Variants in NCBP1 observed in about 807,000 individuals in gnomAD.
The protein encoded by NCBP1 is nuclear cap-binding protein subunit 1.
Under a neutral mutation model 111.7 loss-of-function variants are expected in NCBP1, and 16 were observed. The observed-to-expected ratio is 0.14, with a 90% CI of 0.10 to 0.22. NCBP1 has a LOEUF of 0.22. NCBP1 is among the 10% of genes least tolerant of loss of function. NCBP1 has a pLI of 1.00. For missense variants in NCBP1, 607 were observed against 957.5 expected, an observed-to-expected ratio of 0.63 and a Z score of 4.83; for synonymous variants, 304 against 314.3, an observed-to-expected ratio of 0.97 and a Z score of 0.35.
chr9:97,655,591 C>T, intron 12 of NCBP1, 111 bp from the exon 13 acceptor site: 2 of 770,148 alleles, frequency 2.6e-6, no homozygotes, highest in Non-Finnish European at 4.2e-6. Context: ...ATATGCTTTT[C>T]ATTAACTCTG....
chr9:97,669,733 T>G (rs751928452), intron 22 of NCBP1, 27 bp downstream of exon 22: 2 of 1,417,610 alleles, frequency 1.4e-6, no homozygotes, highest in East Asian at 4.5e-5. Flanking sequence ...GATTAGGTAA[T>G]AACACTATTC....
chr9:97,656,878 A>G (rs548241168), intron 14 of NCBP1, among the ~76,000 whole-genome samples: 10 of 152,270 alleles, frequency 6.6e-5, no homozygotes, highest in African/African-American at 2.2e-4. Flanking sequence ...CTGTGGTACA[A>G]TCCTACCACA....
At chr9:97,639,880 A>G (rs1226758791) in intron 1 of NCBP1, among the ~76,000 whole-genome samples, 4 of 152,276 alleles carry the variant, frequency 2.6e-5, no homozygotes, top group African/African-American at 7.2e-5. Context: ...ATTCAACTTG[A>G]ATTGTTGAGC....
intron 18 of NCBP1, among the ~76,000 whole-genome samples, chr9:97,663,593 C>T (rs371120693): frequency 1.3e-3 from 195 of 151,734 alleles, no homozygotes; most frequent in African/African-American, 4.4e-3. Context: ...CAAGTGATTC[C>T]CCTGCCTCAG....
rs1426352270 is a variant in NCBP1, at chr9:97,666,769, T to A, written c.1908T>A (p.Phe636Leu). ...AATGCCATATTTCTTTAAGATTGTTTGTTTGGGAAATTTTGCACTCTACAA... is the reference window on the plus strand; with the variant it reads ...AATGCCATATTTCTTTAAGATTGTTAGTTTGGGAAATTTTGCACTCTACAA... Reference protein sequence around the residue: ...SELSRDFTRLFVWEILHSTIR... With the variant: ...SELSRDFTRLLVWEILHSTIR... The change falls in exon 20 of 23, where the codon TTT becomes TTA. Residue 636 changes from phenylalanine (F) to leucine (L), a missense_variant. Physicochemically the swap from Phe to Leu is conservative, Grantham distance 22. Around this residue, in one of 9 missense-constraint regions of NCBP1, gnomAD observed 282 missense variants for 376.5 expected, o/e 0.75. Coordinates refer to ENST00000375147, the MANE Select transcript of NCBP1 (RefSeq NM_002486.5). The A allele has an allele frequency of 6.3e-7, 1 of 1,591,330 alleles. No individual in the cohort carries two copies. Among genetic ancestry groups the A allele is most frequent in the Non-Finnish European group, 8.5e-7 (1 of 1,169,816 alleles).
chr9:97,663,153 C>T (rs1827888688), intron 18 of NCBP1, 106 bp downstream of exon 18: 1 of 837,188 alleles, frequency 1.2e-6, no homozygotes, highest in Non-Finnish European at 1.9e-6. Context: ...TTTGACTCTG[C>T]CTAGATAATG....
intron 10 of NCBP1, among the ~76,000 whole-genome samples, chr9:97,652,088 C>G (rs1397521715): frequency 6.6e-6 from 1 of 152,206 alleles, no homozygotes; most frequent in Non-Finnish European, 1.5e-5. Flanking sequence ...ACTGCAGCCT[C>G]CGCCTCCGGG....
chr9:97,646,490 G>C (rs902837697), intron 6 of NCBP1, among the ~76,000 whole-genome samples: 1 of 152,014 alleles, frequency 6.6e-6, no homozygotes, highest in East Asian at 1.9e-4. Context: ...TTGGATAACT[G>C]TTAATAGCTA....
At chr9:97,662,718 T>A (rs1564027893) in intron 17 of NCBP1, among the ~76,000 whole-genome samples, 1 of 152,232 alleles carries the variant, frequency 6.6e-6, no homozygotes, top group African/African-American at 2.4e-5. Flanking sequence ...CCTATTCTTT[T>A]AAACTGTAGC....
At chr9:97,664,237 T>C in intron 18 of NCBP1, 103 bp from the exon 19 acceptor site, 1 of 672,664 alleles carries the variant, frequency 1.5e-6, no homozygotes, top group Non-Finnish European at 2.4e-6. Context: ...AAAACTAAAT[T>C]TTATAGCCCT....
chr9:97,666,683 T>C (rs1366227141), intron 19 of NCBP1, 80 bp from the exon 20 acceptor site: 3 of 924,408 alleles, frequency 3.2e-6, no homozygotes, highest in East Asian at 5.3e-5. Context: ...CTGTTAAGAA[T>C]GAAATTACAA....
chr9:97,635,484 T>A (rs1216162781), intron 1 of NCBP1, among the ~76,000 whole-genome samples: 1 of 151,456 alleles, frequency 6.6e-6, no homozygotes, highest in Non-Finnish European at 1.5e-5. Context: ...GATCTCGGCT[T>A]ACTGCAACCT....
At chr9:97,645,577 A>G (rs1827310688) in intron 5 of NCBP1, 34 bp from the exon 6 acceptor site, 3 of 1,587,240 alleles carry the variant, frequency 1.9e-6, no homozygotes, top group Admixed American at 1.7e-5. Flanking sequence ...TAATTAAAGC[A>G]TATTTTAAAC....
intron 4 of NCBP1, 139 bp from the exon 5 acceptor site, chr9:97,644,978 A>G: frequency 1.9e-6 from 1 of 525,234 alleles, no homozygotes; most frequent in South Asian, 3.1e-5. Flanking sequence ...CCAGCTATGC[A>G]AAAAACAGGT....
rs73498350 is a variant in NCBP1 at position 97,650,683 on chromosome 9, G to A, written c.995+83G>A. The A allele has an allele frequency of 2.2e-3, 2,571 of 1,173,182 alleles. 41 individuals are homozygous for A. The African/African-American group carries it at 0.036, about 16-fold the overall frequency. 72.7% of individuals were successfully genotyped at this position (1,173,182 alleles called of 1,614,324 possible). A position where few individuals can be genotyped will look rare whatever the true frequency, so the allele number is the denominator to read the frequency against. The stretch of plus-strand genomic sequence containing the variant: ...AGTAAGAGCAAAATATATGTTGAGA[G>A]TGTAAGAAAATTTTATCCTCCTGAC... On this transcript the variant is annotated intron_variant, in intron 9 of 22. Coordinates refer to ENST00000375147, the MANE Select transcript of NCBP1 (RefSeq NM_002486.5).
intron 1 of NCBP1, among the ~76,000 whole-genome samples, chr9:97,635,320 G>A (rs942223787): frequency 6.6e-6 from 1 of 152,006 alleles, no homozygotes; most frequent in African/African-American, 2.4e-5. Context: ...CACTACACAG[G>A]TATAAATTAA....
At position 97,666,894 on chromosome 9, in the gene NCBP1, C is replaced by T; in HGVS notation, c.2016+17C>T. ...CACAAACGGGTAAGTTTTGTGTAAA[C>T]TTGTAAGTAGTTAAAGAAAATATAC... On this transcript the variant is annotated intron_variant, in intron 20 of 22. Transcript: ENST00000375147. 6.6e-7 allele frequency: 1 copy of T among 1,505,778 alleles called. No individual in the cohort carries two copies. The highest frequency in any genetic ancestry group is 1.4e-5 in the African/African-American group (1 of 70,968). 93.3% of individuals were successfully genotyped at this position (1,505,778 alleles called of 1,614,324 possible).
chr9:97,669,746 A>C, intron 22 of NCBP1, 40 bp downstream of exon 22: 1 of 1,350,694 alleles, frequency 7.4e-7, no homozygotes, highest in Non-Finnish European at 1.1e-6. Context: ...CACTATTCTC[A>C]GCCACAAAGA....
chr9:97,643,368 AGTTT>A lies in NCBP1; in HGVS notation c.381+16_381+19del, dbSNP rs576786798. The A allele has an allele frequency of 3.7e-4, 585 of 1,586,082 alleles. 9 individuals are homozygous for A. In the South Asian group the frequency reaches 6.3e-3, roughly 17 times the overall value. ...AATGAAGCCGTGTATTTGGTAAGTT[AGTTT>A]GTTTGTTGGTATGTTATGACTACTG... is the stretch of plus-strand genomic sequence containing the variant. On this transcript the variant is annotated intron_variant, in intron 4 of 22. Coordinates refer to ENST00000375147, the MANE Select transcript of NCBP1 (RefSeq NM_002486.5).
Sources: gnomAD v4.1 joint callset for allele counts (sites outside exome capture counted in the v4.1 genomes callset) on GRCh38, gnomAD v4.1.1 for gene constraint, gnomAD v4.1.1 regional missense constraint, MANE v1.5 for transcripts, NCBI Gene and HGNC (gene_info 2026-07-23, HGNC 2026-07-21) for gene names.